The following NRG1 variants were observed in gnomAD, a reference collection of about 807,000 sequenced individuals.
NRG1 encodes the protein pro-neuregulin-1, membrane-bound isoform.
Under a neutral mutation model 63.8 loss-of-function variants are expected in NRG1, and 18 were observed. The observed-to-expected ratio is 0.28, with a 90% CI of 0.19 to 0.42. The LOEUF (loss-of-function observed/expected upper bound fraction) is 0.42, where lower values mean the gene tolerates loss of function less well. Among genes scored for constraint, NRG1 ranks in the 10% least tolerant of loss-of-function variants. The pLI is 1.00. For missense variants in NRG1, 762 were observed against 814.7 expected, an observed-to-expected ratio of 0.94 and a Z score of 0.79; for synonymous variants, 302 against 301.3, an observed-to-expected ratio of 1.00 and a Z score of -0.02.
intron 5 of NRG1, among the ~76,000 whole-genome samples, chr8:32,662,432 C>T (rs1314456639): frequency 6.6e-6 from 1 of 152,118 alleles, no homozygotes; most frequent in Non-Finnish European, 1.5e-5. Flanking sequence ...GCATGCCATT[C>T]ATTGTAAGAA....
intron 1 of NRG1, among the ~76,000 whole-genome samples, chr8:32,331,105 A>C (rs1802591269): frequency 6.6e-6 from 1 of 152,140 alleles, no homozygotes; most frequent in Non-Finnish European, 1.5e-5. Context: ...AAAAAAAAGA[A>C]ATCCATAAAT....
chr8:31,933,626 G>GT (rs1835045964), intron 1 of NRG1, among the ~76,000 whole-genome samples: 1 of 152,156 alleles, frequency 6.6e-6, no homozygotes, highest in Non-Finnish European at 1.5e-5. Flanking sequence ...CACAGAGAGA[G>GT]AATATACATT....
chr8:32,394,318 T>C (rs1007027391), intron 1 of NRG1, among the ~76,000 whole-genome samples: 2 of 152,202 alleles, frequency 1.3e-5, no homozygotes, highest in Non-Finnish European at 2.9e-5. Context: ...TTCTTAAATT[T>C]GTTATAATTC....
intron 1 of NRG1, among the ~76,000 whole-genome samples, chr8:32,376,636 C>T (rs1228073593): frequency 6.6e-6 from 1 of 152,192 alleles, no homozygotes; most frequent in African/African-American, 2.4e-5. Flanking sequence ...AGGAGCAGGC[C>T]TGTCTCCAGT....
intron 1 of NRG1, among the ~76,000 whole-genome samples, chr8:32,065,621 T>C (rs902918513): frequency 2.6e-5 from 4 of 152,212 alleles, no homozygotes; most frequent in African/African-American, 7.2e-5. Context: ...GTCTTTGCTA[T>C]TGTGAATAGT....
Position 32,297,959 on chromosome 8 carries a change from C to T in NRG1, c.38-297869C>T, listed in dbSNP as rs192172969. On this transcript the variant is annotated intron_variant, in intron 1 of 10. Transcript: ENST00000519301. The stretch of plus-strand genomic sequence containing the variant: ...TGCTTTGCAACTGTACTACTAGAAG[C>T]GAACTAATTCATGATTTATTTTTAA... Among the ~76,000 whole-genome samples, 35 of 152,284 alleles carry T rather than the reference C, an allele frequency of 2.3e-4. No homozygotes were observed. The South Asian group carries it at 3.7e-3, about 16-fold the overall frequency.
At chr8:31,732,890 ACT>A (rs1286988406) in intron 1 of NRG1, among the ~76,000 whole-genome samples, 11 of 151,950 alleles carry the variant, frequency 7.2e-5, no homozygotes, top group Non-Finnish European at 4.4e-5. Context: ...TAAGAGTGAG[ACT>A]CTGTCTCAAA....
chr8:31,910,084 C>T (rs1235281467), intron 1 of NRG1, among the ~76,000 whole-genome samples: 7 of 152,172 alleles, frequency 4.6e-5, no homozygotes, highest in African/African-American at 7.2e-5. Context: ...AAATTAAGTA[C>T]GCTGACTTAT....
At chr8:32,670,657 CATTTTAAAA>C (rs1405879704) in intron 5 of NRG1, among the ~76,000 whole-genome samples, 1 of 152,136 alleles carries the variant, frequency 6.6e-6, no homozygotes, top group Non-Finnish European at 1.5e-5. Flanking sequence ...GTTTGGGTAG[CATTTTAAAA>C]ATATTTAAGT....
At chr8:32,557,841 A>T (rs1456278378) in intron 1 of NRG1, among the ~76,000 whole-genome samples, 1 of 152,232 alleles carries the variant, frequency 6.6e-6, no homozygotes, top group East Asian at 1.9e-4. Flanking sequence ...ATGATTTTCC[A>T]TATATTAAAT....
chr8:32,144,101 G>A (rs1836598794), intron 1 of NRG1, among the ~76,000 whole-genome samples: 1 of 152,220 alleles, frequency 6.6e-6, no homozygotes, highest in African/African-American at 2.4e-5. Context: ...AGGCCAATCG[G>A]CAGTGGAGAC....
chr8:31,798,939 T>G (rs538667104), intron 1 of NRG1, among the ~76,000 whole-genome samples: 59 of 152,252 alleles, frequency 3.9e-4, no homozygotes, highest in African/African-American at 1.3e-3. Context: ...TTGAGTTTTT[T>G]GGGTGAATGA....
intron 1 of NRG1, among the ~76,000 whole-genome samples, chr8:32,299,699 G>A (rs977439879): frequency 3.9e-5 from 6 of 152,260 alleles, no homozygotes; most frequent in South Asian, 4.1e-4. Context: ...CAAAGGAGGC[G>A]CAAAGGCACA....
chr8:32,338,443 C>T (rs1803615629), intron 1 of NRG1, among the ~76,000 whole-genome samples: 1 of 152,046 alleles, frequency 6.6e-6, no homozygotes, highest in African/African-American at 2.4e-5. Flanking sequence ...TCTACAGTTA[C>T]AAAATATGTT....
chr8:32,012,680 C>T (rs1438240947), intron 1 of NRG1, among the ~76,000 whole-genome samples: 1 of 152,020 alleles, frequency 6.6e-6, no homozygotes, highest in Admixed American at 6.6e-5. Flanking sequence ...TCAGCTTCCT[C>T]AACTGGAAAA....
At chr8:32,658,958 C>T (rs1365561954) in intron 5 of NRG1, among the ~76,000 whole-genome samples, 1 of 152,072 alleles carries the variant, frequency 6.6e-6, no homozygotes, top group African/African-American at 2.4e-5. Flanking sequence ...TGTTCTGGAT[C>T]AACAGAGTTC....
intron 1 of NRG1, among the ~76,000 whole-genome samples, chr8:31,805,281 T>C (rs1441857305): frequency 6.6e-6 from 1 of 151,966 alleles, no homozygotes; most frequent in Non-Finnish European, 1.5e-5. Context: ...TTAATTGTAG[T>C]ATAATATTAA....
intron 1 of NRG1, among the ~76,000 whole-genome samples, chr8:32,065,092 C>G (rs1056376920): frequency 1.3e-5 from 2 of 151,752 alleles, no homozygotes; most frequent in Non-Finnish European, 2.9e-5. Context: ...TGCACATAAT[C>G]ATTCCCAGGC....
At chr8:32,760,092 T>A (rs1299756293) in intron 10 of NRG1, 108 bp from the exon 11 acceptor site, 3 of 1,230,158 alleles carry the variant, frequency 2.4e-6, no homozygotes, top group Non-Finnish European at 1.2e-6. Context: ...GAGCTCCGGG[T>A]GCATCAGTAG....
Sources: gnomAD v4.1 joint callset for allele counts (sites outside exome capture counted in the v4.1 genomes callset) on GRCh38, gnomAD v4.1.1 for gene constraint, MANE v1.5 for transcripts, NCBI Gene and HGNC (gene_info 2026-07-23, HGNC 2026-07-21) for gene names.